CAMK1D: variants seen among roughly 807,000 people sequenced by gnomAD.
The protein encoded by CAMK1D is calcium/calmodulin dependent protein kinase ID, also known as calcium/calmodulin-dependent protein kinase type 1D.
A neutral mutation model predicts 47.7 loss-of-function variants in CAMK1D; 9 were observed. The observed-to-expected ratio is 0.19, with a 90% CI of 0.11 to 0.33. The LOEUF (loss-of-function observed/expected upper bound fraction) is 0.33, where lower values mean the gene tolerates loss of function less well. Among genes scored for constraint, CAMK1D ranks in the 10% least tolerant of loss-of-function variants. The pLI is 1.00. For missense variants in CAMK1D, 291 were observed against 488.7 expected, an observed-to-expected ratio of 0.60 and a Z score of 3.81; for synonymous variants, 184 against 184.9, an observed-to-expected ratio of 0.99 and a Z score of 0.04.
intron 1 of CAMK1D, among the ~76,000 whole-genome samples, chr10:12,425,739 T>C (rs1840209586): frequency 6.6e-6 from 1 of 152,232 alleles, no homozygotes; most frequent in Non-Finnish European, 1.5e-5. Context: ...GTTAGTTGAG[T>C]GCCTGCCACA....
chr10:12,686,587 G>C (rs1832674583), intron 3 of CAMK1D, among the ~76,000 whole-genome samples: 1 of 152,056 alleles, frequency 6.6e-6, no homozygotes, highest in African/African-American at 2.4e-5. Flanking sequence ...GCCTCCCAAA[G>C]TGCTGGGATT....
chr10:12,731,200 C>T (rs891640719), intron 3 of CAMK1D, among the ~76,000 whole-genome samples: 5 of 151,742 alleles, frequency 3.3e-5, no homozygotes, highest in Non-Finnish European at 5.9e-5. Context: ...AGCAGTGGAG[C>T]GGGAATGAGA....
At chr10:12,764,102 T>C (rs1189056530) in intron 4 of CAMK1D, among the ~76,000 whole-genome samples, 3 of 152,160 alleles carry the variant, frequency 2.0e-5, no homozygotes, top group Admixed American at 2.0e-4. Context: ...ATTGATTGGC[T>C]GGGCGCGGAG....
chr10:12,598,295 G>A (rs1295391367), intron 2 of CAMK1D, among the ~76,000 whole-genome samples: 2 of 152,218 alleles, frequency 1.3e-5, no homozygotes, highest in Non-Finnish European at 2.9e-5. Context: ...CAGAGCGTGC[G>A]ATTAGGTGTG....
chr10:12,474,832 G>A (rs1426984939), intron 1 of CAMK1D, among the ~76,000 whole-genome samples: 1 of 150,938 alleles, frequency 6.6e-6, no homozygotes, highest in Non-Finnish European at 1.5e-5. Context: ...CCACTTATGA[G>A]TAAGAACATG....
At chr10:12,822,851 T>C (rs1362564597) in intron 8 of CAMK1D, among the ~76,000 whole-genome samples, 1 of 152,246 alleles carries the variant, frequency 6.6e-6, no homozygotes, top group Non-Finnish European at 1.5e-5. Context: ...ATTCAAATAC[T>C]CTATTTCTGT....
chr10:12,471,399 A>G (rs1023174721), intron 1 of CAMK1D, among the ~76,000 whole-genome samples: 1 of 152,184 alleles, frequency 6.6e-6, no homozygotes, highest in Non-Finnish European at 1.5e-5. Context: ...CAAGGTGGTG[A>G]ACCTGTTTCT....
intron 3 of CAMK1D, among the ~76,000 whole-genome samples, chr10:12,754,363 G>C (rs954437050): frequency 1.3e-5 from 2 of 152,098 alleles, no homozygotes; most frequent in Non-Finnish European, 2.9e-5. Flanking sequence ...TCCCACACTG[G>C]ACTACACACC....
At chr10:12,812,810 C>T (rs897252853) in intron 6 of CAMK1D, among the ~76,000 whole-genome samples, 2 of 152,158 alleles carry the variant, frequency 1.3e-5, no homozygotes, top group Admixed American at 1.3e-4. Context: ...TCCACACGGG[C>T]CCCAAGCATG....
intron 6 of CAMK1D, among the ~76,000 whole-genome samples, chr10:12,807,744 G>T (rs1055876078): frequency 1.3e-5 from 2 of 152,104 alleles, no homozygotes; most frequent in African/African-American, 4.8e-5. Context: ...TGGTTACACC[G>T]TCCTACACCA....
At chr10:12,413,243 G>A (rs967392878) in intron 1 of CAMK1D, among the ~76,000 whole-genome samples, 3 of 152,090 alleles carry the variant, frequency 2.0e-5, no homozygotes, top group African/African-American at 7.2e-5. Context: ...GTGAAAGCAG[G>A]AGCAAGTGAG....
rs12269060 is a variant in CAMK1D at position 12,501,074 on chromosome 10, C to T, written c.93-52151C>T. On this transcript the variant is annotated intron_variant, in intron 1 of 10. Transcript: ENST00000619168. ...CTGTCCACCGGACTCCAAAATCCATCCCCTTTCCCGTACTCCACCTCGCCC... is the reference window on the plus strand; with the variant it reads ...CTGTCCACCGGACTCCAAAATCCATTCCCTTTCCCGTACTCCACCTCGCCC... Among the ~76,000 whole-genome samples, 1,449 of 152,320 alleles carry T rather than the reference C, an allele frequency of 9.5e-3. 17 individuals are homozygous for T. The highest frequency in any genetic ancestry group is 0.033 in the African/African-American group (1,379 of 41,562).
intron 2 of CAMK1D, among the ~76,000 whole-genome samples, chr10:12,563,123 C>G (rs1003517108): frequency 9.9e-5 from 15 of 152,274 alleles, no homozygotes; most frequent in African/African-American, 3.6e-4. Flanking sequence ...GCCAACTGGA[C>G]TTGGCCCAAG....
At chr10:12,429,166 G>T (rs1247746369) in intron 1 of CAMK1D, among the ~76,000 whole-genome samples, 1 of 151,978 alleles carries the variant, frequency 6.6e-6, no homozygotes, top group Non-Finnish European at 1.5e-5. Flanking sequence ...GAGTTCCCCA[G>T]CCCCCAAGCC....
intron 1 of CAMK1D, among the ~76,000 whole-genome samples, chr10:12,414,422 A>T (rs1270357796): frequency 6.6e-6 from 1 of 152,206 alleles, no homozygotes; most frequent in African/African-American, 2.4e-5. Context: ...TTTTAGGGAA[A>T]AATAGCTGGG....
intron 3 of CAMK1D, among the ~76,000 whole-genome samples, chr10:12,682,868 CAGAA>C (rs1832499209): frequency 7.4e-6 from 1 of 135,352 alleles, no homozygotes; most frequent in Admixed American, 7.4e-5. Flanking sequence ...TTTGCTTTAA[CAGAA>C]AGTTATTTTA....
intron 1 of CAMK1D, among the ~76,000 whole-genome samples, chr10:12,522,376 A>G (rs2768453): frequency 0.2 from 13,047 of 64,178 alleles, 2,687 homozygotes; most frequent in South Asian, 0.36. Flanking sequence ...CTGGGTACTT[A>G]AGATTAGGGA....
At chr10:12,632,741 C>T (rs1030224937) in intron 2 of CAMK1D, among the ~76,000 whole-genome samples, 1 of 152,152 alleles carries the variant, frequency 6.6e-6, no homozygotes, top group African/African-American at 2.4e-5. Context: ...GTTGCCCAGG[C>T]TGGACTGCAG....
chr10:12,786,880 T>C (rs1055950591), intron 5 of CAMK1D, among the ~76,000 whole-genome samples: 7 of 152,214 alleles, frequency 4.6e-5, no homozygotes, highest in African/African-American at 1.7e-4. Flanking sequence ...CCCAGCACTT[T>C]GGGAGGCCAA....
Sources: gnomAD v4.1 joint callset for allele counts (sites outside exome capture counted in the v4.1 genomes callset) on GRCh38, gnomAD v4.1.1 for gene constraint, MANE v1.5 for transcripts, NCBI Gene and HGNC (gene_info 2026-07-23, HGNC 2026-07-21) for gene names.